ROBO1: variants seen among roughly 807,000 people sequenced by gnomAD.
ROBO1 encodes roundabout homolog 1.
Under a neutral mutation model 195.9 loss-of-function variants are expected in ROBO1, and 149 were observed. That is an observed-to-expected ratio of 0.76 (90% CI 0.67 to 0.87). The LOEUF (loss-of-function observed/expected upper bound fraction) is 0.87, where lower values mean the gene tolerates loss of function less well. Ranked by LOEUF, ROBO1 falls within the 40% of genes least tolerant of loss-of-function variation. ROBO1 has a pLI of 0.00. For missense variants in ROBO1, 1,933 were observed against 2,068.3 expected (o/e 0.93, Z 1.27); for synonymous variants, 816 against 733.2 (o/e 1.11, Z -1.82).
At chr3:79,206,195 G>C (rs568634644) in intron 2 of ROBO1, among the ~76,000 whole-genome samples, 2 of 152,204 alleles carry the variant, frequency 1.3e-5, no homozygotes, top group South Asian at 4.2e-4. Flanking sequence ...CTACCCACCA[G>C]GTATTCACTT....
intron 2 of ROBO1, among the ~76,000 whole-genome samples, chr3:79,129,501 C>T (rs966536066): frequency 3.3e-5 from 5 of 151,926 alleles, no homozygotes; most frequent in Admixed American, 1.3e-4. Flanking sequence ...TATATAATAA[C>T]AGCAACAACT....
intron 2 of ROBO1, among the ~76,000 whole-genome samples, chr3:79,353,601 T>A (rs1455203397): frequency 6.6e-6 from 1 of 152,170 alleles, no homozygotes; most frequent in Non-Finnish European, 1.5e-5. Context: ...ATGGAGGTGC[T>A]GGGGATAAAC....
intron 10 of ROBO1, among the ~76,000 whole-genome samples, chr3:78,682,481 ATATATGTG>A (rs1338727333): frequency 7.2e-6 from 1 of 138,094 alleles, no homozygotes; most frequent in Non-Finnish European, 1.6e-5. Context: ...ATGACTGTGT[ATATATGTG>A]TATATGTATA....
chr3:78,869,707 C>CCT (rs2035432858), intron 4 of ROBO1, among the ~76,000 whole-genome samples: 1 of 152,094 alleles, frequency 6.6e-6, no homozygotes, highest in Admixed American at 6.5e-5. Context: ...GATACTCCTG[C>CCT]CTCAGCCTCC....
chr3:78,727,519 G>A (rs2082193423), intron 5 of ROBO1, among the ~76,000 whole-genome samples: 1 of 152,068 alleles, frequency 6.6e-6, no homozygotes, highest in Non-Finnish European at 1.5e-5. Flanking sequence ...CAGCTACTCG[G>A]GAGGCTGAGG....
rs535352678 is a variant in ROBO1, at chr3:79,599,140, A to G, written c.-50-9179T>C. ...AGAAAGGATAAATAATTATTTTATC[A>G]CTACAAAATGAGTATAAGATGGCTT... On this transcript the variant is annotated intron_variant, in intron 1 of 30. Coordinates refer to ENST00000464233, the MANE Select transcript of ROBO1 (RefSeq NM_002941.4). Among the ~76,000 whole-genome samples the G allele has an allele frequency of 2.0e-4, 30 of 152,222 alleles. No homozygotes were observed. The South Asian group carries it at 6.0e-3, about 30-fold the overall frequency.
rs1402384792 is a variant in ROBO1 at position 78,685,397 on chromosome 3, T to C, written c.1342+349A>G. The stretch of plus-strand genomic sequence containing the variant: ...GCTTAGGACCTAAAGATTTATCTTA[T>C]GTACTAAATTATAGAGGAAAGAGAA... On this transcript the variant is annotated intron_variant, in intron 10 of 30. Transcript: ENST00000464233. Among the ~76,000 whole-genome samples the C allele has an allele frequency of 3.9e-5, 6 of 152,178 alleles. 1 individual carries two copies. The highest frequency in any genetic ancestry group is 3.3e-4 in the Admixed American group (5 of 15,274).
At chr3:79,216,966 C>T (rs1011806212) in intron 2 of ROBO1, among the ~76,000 whole-genome samples, 5 of 151,978 alleles carry the variant, frequency 3.3e-5, no homozygotes, top group Admixed American at 2.0e-4. Context: ...TAAGTCAATG[C>T]TAACCACATT....
rs193122228 is a variant in ROBO1 at position 79,041,945 on chromosome 3, A to G, written c.172+83511T>C. The stretch of plus-strand genomic sequence containing the variant: ...TTCATATTAGTGACAGAAGTAAACA[A>G]CTCTGGCAGGTGAGACTATAGCATG... On this transcript the variant is annotated intron_variant, in intron 3 of 30. Transcript: ENST00000464233. Among the ~76,000 whole-genome samples the G allele has an allele frequency of 2.0e-5, 3 of 152,086 alleles. No individual in the cohort carries two copies. The East Asian group carries it at 5.8e-4, about 29-fold the overall frequency.
chr3:79,385,175 A>G (rs1219950740), intron 2 of ROBO1, among the ~76,000 whole-genome samples: 2 of 152,124 alleles, frequency 1.3e-5, no homozygotes, highest in Non-Finnish European at 2.9e-5. Context: ...CACTATTTGT[A>G]TTTCTTAAAT....
intron 14 of ROBO1, among the ~76,000 whole-genome samples, chr3:78,665,933 C>T (rs1459549017): frequency 6.6e-6 from 1 of 151,964 alleles, no homozygotes; most frequent in Non-Finnish European, 1.5e-5. Flanking sequence ...GCTGTGTCCT[C>T]ACCCAAATCT....
chr3:78,962,621 C>T (rs945853190), intron 3 of ROBO1, among the ~76,000 whole-genome samples: 1 of 151,762 alleles, frequency 6.6e-6, no homozygotes, highest in Non-Finnish European at 1.5e-5. Flanking sequence ...GTCAGGAGAT[C>T]GAGACCATCC....
intron 4 of ROBO1, among the ~76,000 whole-genome samples, chr3:78,804,269 G>T (rs2084461684): frequency 6.6e-6 from 1 of 152,038 alleles, no homozygotes; most frequent in African/African-American, 2.4e-5. Context: ...CCAAATTTAA[G>T]AACTAATAGC....
At chr3:79,653,801 T>C (rs1405638743) in intron 1 of ROBO1, among the ~76,000 whole-genome samples, 1 of 151,970 alleles carries the variant, frequency 6.6e-6, no homozygotes, top group Non-Finnish European at 1.5e-5. Flanking sequence ...GCAAATGAAA[T>C]GAATCTCTAG....
intron 2 of ROBO1, among the ~76,000 whole-genome samples, chr3:79,246,001 T>C (rs2108894379): frequency 6.6e-6 from 1 of 152,196 alleles, no homozygotes; most frequent in African/African-American, 2.4e-5. Flanking sequence ...CCCAATAATG[T>C]GTTGAAAACA....
chr3:79,500,658 A>C (rs903123512), intron 2 of ROBO1, among the ~76,000 whole-genome samples: 3 of 152,160 alleles, frequency 2.0e-5, no homozygotes, highest in Non-Finnish European at 2.9e-5. Flanking sequence ...TTTTTCATTA[A>C]TCAATTTTCA....
intron 2 of ROBO1, among the ~76,000 whole-genome samples, chr3:79,212,982 T>A (rs1257525102): frequency 6.6e-6 from 1 of 151,880 alleles, no homozygotes; most frequent in African/African-American, 2.4e-5. Context: ...AAAGAAAAAT[T>A]ATTTTAAAAT....
intron 5 of ROBO1, among the ~76,000 whole-genome samples, 189 bp downstream of exon 5, chr3:78,746,554 T>C (rs1379229776): frequency 6.6e-6 from 1 of 152,194 alleles, no homozygotes; most frequent in Non-Finnish European, 1.5e-5. Flanking sequence ...ACACCATGAA[T>C]TTTCCTTACT....
At chr3:78,697,359 A>C in intron 8 of ROBO1, among the ~76,000 whole-genome samples, 1 of 152,168 alleles carries the variant, frequency 6.6e-6, no homozygotes, top group East Asian at 1.9e-4. Context: ...AAGATGATAA[A>C]TGTTTGGAAA....
Sources: gnomAD v4.1 joint callset for allele counts (sites outside exome capture counted in the v4.1 genomes callset) on GRCh38, gnomAD v4.1.1 for gene constraint, MANE v1.5 for transcripts, NCBI Gene and HGNC (gene_info 2026-07-23, HGNC 2026-07-21) for gene names.